RAB11FIP4: variants seen among roughly 807,000 people sequenced by gnomAD.
RAB11FIP4 encodes RAB11 family interacting protein 4.
Under a neutral mutation model 74.3 loss-of-function variants are expected in RAB11FIP4, and 23 were observed. The ratio of observed to expected loss-of-function variants is 0.31; its 90% CI spans 0.22 to 0.44. RAB11FIP4 has a LOEUF of 0.44. Among genes scored for constraint, RAB11FIP4 ranks in the 20% least tolerant of loss-of-function variants. RAB11FIP4 has a pLI of 1.00. For synonymous variants in RAB11FIP4, 360 were observed against 359.9 expected, an observed-to-expected ratio of 1.00 and a Z score of 0.00; for missense variants, 630 against 863.9, an observed-to-expected ratio of 0.73 and a Z score of 3.39.
chr17:31,397,089 T>C (rs1006986313), intron 1 of RAB11FIP4, among the ~76,000 whole-genome samples: 5 of 152,104 alleles, frequency 3.3e-5, no homozygotes, highest in Admixed American at 2.0e-4. Context: ...TTGAGATACG[T>C]GGCTTCCAGG....
intron 1 of RAB11FIP4, among the ~76,000 whole-genome samples, chr17:31,423,627 C>A (rs1006565094): frequency 6.6e-6 from 1 of 151,804 alleles, no homozygotes; most frequent in Non-Finnish European, 1.5e-5. Context: ...GTTTTCAAAG[C>A]CTTTGCAGTG....
chr17:31,525,296 AG>A, intron 10 of RAB11FIP4, 66 bp downstream of exon 10: 4 of 1,457,714 alleles, frequency 2.7e-6, no homozygotes, highest in Non-Finnish European at 3.7e-6. Flanking sequence ...CCTGTGGGAT[AG>A]GCGCTATCCC....
rs373879869 is a variant in RAB11FIP4 at position 31,503,623 on chromosome 17, T to C, written c.337-14028T>C. Among the ~76,000 whole-genome samples the C allele has an allele frequency of 5.3e-4, 80 of 149,866 alleles. 5 individuals are homozygous for C. The highest frequency in any genetic ancestry group is 1.9e-3 in the African/African-American group (73 of 39,200). ...TTTGGAAACATTTCTAGGACTGTTA[T>C]GACTGTGAATGGTCTTTTAGAGGCC... On this transcript the variant is annotated intron_variant, in intron 3 of 14. Coordinates refer to ENST00000621161, the MANE Select transcript of RAB11FIP4 (RefSeq NM_032932.6).
chr17:31,394,948 G>GGGGT (rs1555540522), intron 1 of RAB11FIP4, among the ~76,000 whole-genome samples: 12 of 131,598 alleles, frequency 9.1e-5, no homozygotes, highest in African/African-American at 3.1e-4. Context: ...CGGGGGGGGG[G>GGGGT]GGCTCCCTTA....
At chr17:31,483,795 G>A (rs1413282846) in intron 3 of RAB11FIP4, among the ~76,000 whole-genome samples, 2 of 152,148 alleles carry the variant, frequency 1.3e-5, no homozygotes, top group Admixed American at 1.3e-4. Context: ...TAATGATCAT[G>A]AAACCATATA....
chr17:31,507,046 G>A (rs191734672), intron 3 of RAB11FIP4, among the ~76,000 whole-genome samples: 4 of 152,282 alleles, frequency 2.6e-5, no homozygotes, highest in Admixed American at 6.5e-5. Context: ...GTGGGAGGCC[G>A]AGGTGGGCGG....
intron 3 of RAB11FIP4, among the ~76,000 whole-genome samples, chr17:31,505,618 AAT>A (rs1293899708): frequency 5.7e-5 from 2 of 34,786 alleles, no homozygotes; most frequent in Non-Finnish European, 9.2e-5. Context: ...AATTATATAT[AAT>A]ATATAATTAT....
intron 1 of RAB11FIP4, among the ~76,000 whole-genome samples, chr17:31,410,594 G>A (rs178840): frequency 0.41 from 62,883 of 151,636 alleles, 15,988 homozygotes; most frequent in African/African-American, 0.7. Flanking sequence ...CGCACCTGTA[G>A]TCCCAGCACT....
chr17:31,401,813 C>T (rs1370076305), intron 1 of RAB11FIP4, among the ~76,000 whole-genome samples: 1 of 152,254 alleles, frequency 6.6e-6, no homozygotes, highest in Non-Finnish European at 1.5e-5. Context: ...GCCTGCATCA[C>T]TCAGTAGCCA....
At chr17:31,402,598 T>TTATATTTATTTA (rs142035896) in intron 1 of RAB11FIP4, among the ~76,000 whole-genome samples, 2 of 142,752 alleles carry the variant, frequency 1.4e-5, no homozygotes, top group African/African-American at 5.2e-5. Context: ...TTTTATTTAT[T>TTATATTTATTTA]TTTATTTATT....
chr17:31,510,071 G>C (rs1304417596), intron 3 of RAB11FIP4, among the ~76,000 whole-genome samples: 1 of 152,170 alleles, frequency 6.6e-6, no homozygotes, highest in Non-Finnish European at 1.5e-5. Flanking sequence ...CAGTCTCTGC[G>C]GCCACCACCT....
At chr17:31,488,310 C>G (rs1250766704) in intron 3 of RAB11FIP4, 2 of 1,173,512 alleles carry the variant, frequency 1.7e-6, no homozygotes, top group Non-Finnish European at 2.1e-6. Context: ...CGCAGGGCTC[C>G]GGCGGCGCGC....
intron 3 of RAB11FIP4, among the ~76,000 whole-genome samples, chr17:31,443,359 C>T (rs1338292126): frequency 6.6e-6 from 1 of 151,996 alleles, no homozygotes; most frequent in African/African-American, 2.4e-5. Flanking sequence ...TTTTTATAGC[C>T]AATTCATCAT....
At chr17:31,525,309 A>G in intron 10 of RAB11FIP4, 79 bp downstream of exon 10, 1 of 1,367,188 alleles carries the variant, frequency 7.3e-7, no homozygotes, top group Non-Finnish European at 9.8e-7. Flanking sequence ...CGCTATCCCC[A>G]TTTTATAGAT....
At chr17:31,407,345 G>T (rs1171102138) in intron 1 of RAB11FIP4, among the ~76,000 whole-genome samples, 1 of 152,026 alleles carries the variant, frequency 6.6e-6, no homozygotes, top group Non-Finnish European at 1.5e-5. Context: ...CATCGTGGCT[G>T]GCTTTCACCC....
chr17:31,394,907 T>C (rs1023910373), intron 1 of RAB11FIP4, among the ~76,000 whole-genome samples: 1 of 120,612 alleles, frequency 8.3e-6, no homozygotes, highest in African/African-American at 3.1e-5. Context: ...AAAATCGGAG[T>C]GTTGTTTTCC....
chr17:31,479,298 A>AG (rs2071824161), intron 3 of RAB11FIP4, among the ~76,000 whole-genome samples: 2 of 152,218 alleles, frequency 1.3e-5, no homozygotes. Flanking sequence ...GTCTGGGAAG[A>AG]GGGCAGCCTG....
rs10562376 is a variant in RAB11FIP4 at position 31,473,377 on chromosome 17, CAAAA to C, written c.336+39268_336+39271del. Among the ~76,000 whole-genome samples, 300 of 147,064 alleles carry C rather than the reference CAAAA, an allele frequency of 2.0e-3. 1 individual carries two copies. The highest frequency in any genetic ancestry group is 5.6e-3 in the African/African-American group (225 of 40,194). Reference sequence around the variant, plus strand: ...CAACAAAGCAAGACCCAGTCTCTACCAAAAAAAAAAAAAAAATTAGCTGGGCATG... The same window carrying C: ...CAACAAAGCAAGACCCAGTCTCTACCAAAAAAAAAAAATTAGCTGGGCATG... On this transcript the variant is annotated intron_variant, in intron 3 of 14. Coordinates refer to ENST00000621161, the MANE Select transcript of RAB11FIP4 (RefSeq NM_032932.6).
intron 1 of RAB11FIP4, among the ~76,000 whole-genome samples, chr17:31,416,702 G>C (rs1262924945): frequency 6.6e-6 from 1 of 152,214 alleles, no homozygotes; most frequent in Non-Finnish European, 1.5e-5. Flanking sequence ...CCAGTCTGAA[G>C]AGGGACAGAG....
Sources: allele counts gnomAD v4.1 joint callset (sites outside exome capture counted in the v4.1 genomes callset), GRCh38; gene constraint gnomAD v4.1.1; transcripts MANE v1.5; gene names NCBI Gene and HGNC (gene_info 2026-07-23, HGNC 2026-07-21).